INSC: variants seen among roughly 807,000 people sequenced by gnomAD.
INSC encodes INSC spindle orientation adaptor protein, also known as protein inscuteable homolog.
INSC carries 67 observed loss-of-function variants against 58.6 expected under a neutral mutation model. The ratio of observed to expected loss-of-function variants is 1.14; its 90% CI spans 0.94 to 1.40. The LOEUF (loss-of-function observed/expected upper bound fraction) is 1.40. Ranked by LOEUF, INSC falls within the 40% of genes most tolerant of loss-of-function variation. The pLI is 0.00. For missense variants in INSC, 714 were observed against 692.0 expected (o/e 1.03, Z -0.36); for synonymous variants, 262 against 276.1 (o/e 0.95, Z 0.51).
intron 9 of INSC, among the ~76,000 whole-genome samples, chr11:15,229,986 TATATATATATATATATATATATATATA>T (rs1564917380): frequency 1.6e-3 from 52 of 31,620 alleles, no homozygotes; most frequent in Middle Eastern, 0.023. Flanking sequence ...ATATTATATA[TATATATATATATATATATATATATATA>T]ATATATATAT....
At chr11:15,134,550 A>G (rs1444123971) in intron 1 of INSC, among the ~76,000 whole-genome samples, 1 of 152,178 alleles carries the variant, frequency 6.6e-6, no homozygotes, top group Non-Finnish European at 1.5e-5. Flanking sequence ...GCACGAGTTT[A>G]CTTCTTTGTC....
At chr11:15,266,302 A>G in the INSC span, among the ~76,000 whole-genome samples, 1 of 151,978 alleles carries the variant, frequency 6.6e-6, no homozygotes, top group Non-Finnish European at 1.5e-5. Context: ...TTTGAATTGC[A>G]AGGACATGCA....
downstream of INSC, among the ~76,000 whole-genome samples, chr11:15,249,207 G>T (rs2133993976): frequency 6.6e-6 from 1 of 152,338 alleles, no homozygotes; most frequent in Non-Finnish European, 1.5e-5. Context: ...GCAGAGAAGA[G>T]TAGAGATTGG....
rs7123855 is a variant in INSC at position 15,238,925 on chromosome 11, A to G, written c.1244A>G (p.Gln415Arg). Residue 415 changes from glutamine to arginine, a missense_variant, in exon 11 of 13, where the codon CAG (glutamine) becomes CGG (arginine). By Grantham distance (43) the Gln-to-Arg change is conservative (BLOSUM62 1). Transcript: ENST00000379556. ...ASDIIQENGV[Q>R]LIMGMLSEKP... ...TTCCTTGCTTCCTGCCTAGGGGTCC[A>G]GCTTATCATGGGCATGCTGTCTGAA... 4.2e-4 allele frequency: 677 copies of G among 1,614,016 alleles called. No individual in the cohort carries two copies. Among genetic ancestry groups the G allele is most frequent in the Admixed American group, 5.3e-4 (32 of 60,016 alleles).
In INSC at chr11:15,188,227, C is replaced by T. The variant is rs578237782; in HGVS notation, c.580-2474C>T. 9.9e-5 allele frequency: 98 copies of T among 985,346 alleles called. 1 individual carries two copies. In the South Asian group the frequency reaches 3.6e-3, roughly 36 times the overall value. The allele number at this position is 985,346 out of a possible 1,614,324, so 61.0% of individuals were successfully genotyped here. On this transcript the variant is annotated intron_variant, in intron 5 of 12. Transcript: ENST00000379556. ...GGTTACCAATACATAGTGTTAGATG[C>T]GAAGGGAATGGGAAGCCAGGATGGA...
intron 2 of INSC, among the ~76,000 whole-genome samples, chr11:15,169,810 G>T (rs1792531): frequency 0.74 from 112,092 of 151,994 alleles, 43,937 homozygotes; most frequent in East Asian, 0.98. Context: ...GTAGTACAGA[G>T]TGTTCCCATA....
the INSC span, among the ~76,000 whole-genome samples, chr11:15,257,289 T>C: frequency 6.6e-6 from 1 of 152,152 alleles, no homozygotes; most frequent in Non-Finnish European, 1.5e-5. Flanking sequence ...AGAGAAGAGA[T>C]TGGTAGTGGT....
At chr11:15,136,787 C>T (rs1848254970) in intron 1 of INSC, among the ~76,000 whole-genome samples, 1 of 152,160 alleles carries the variant, frequency 6.6e-6, no homozygotes, top group South Asian at 2.1e-4. Context: ...CTCTCAAAGT[C>T]ATCCATGAGG....
intron 5 of INSC, among the ~76,000 whole-genome samples, chr11:15,183,219 C>A (rs1232637641): frequency 6.6e-6 from 1 of 151,854 alleles, no homozygotes; most frequent in Non-Finnish European, 1.5e-5. Context: ...GGCATGGTGG[C>A]ACATGCTTGT....
At chr11:15,158,920 A>G (rs996441561) in intron 2 of INSC, among the ~76,000 whole-genome samples, 1 of 129,142 alleles carries the variant, frequency 7.7e-6, no homozygotes, top group Admixed American at 9.3e-5. Flanking sequence ...GAAGGCTGGA[A>G]TTTTCTCCTG....
At chr11:15,148,783 T>C (rs1326480396) in intron 1 of INSC, among the ~76,000 whole-genome samples, 5 of 149,754 alleles carry the variant, frequency 3.3e-5, no homozygotes, top group Non-Finnish European at 5.9e-5. Context: ...GAATCTCAGA[T>C]AAACCATAGA....
chr11:15,150,585 C>A (rs1368185329), intron 2 of INSC, among the ~76,000 whole-genome samples: 3 of 152,168 alleles, frequency 2.0e-5, no homozygotes, highest in Non-Finnish European at 4.4e-5. Context: ...GTATTTGAGA[C>A]CCTTGTGAAT....
At chr11:15,176,300 T>C (rs913168200) in intron 3 of INSC, among the ~76,000 whole-genome samples, 2 of 152,102 alleles carry the variant, frequency 1.3e-5, no homozygotes, top group African/African-American at 4.8e-5. Context: ...TGTATCTCAT[T>C]TAACCTGCAC....
upstream of INSC, among the ~76,000 whole-genome samples, chr11:15,111,873 C>T (rs559838924): frequency 8.1e-4 from 124 of 152,282 alleles, no homozygotes; most frequent in African/African-American, 2.8e-3. Context: ...CTTACTGAGG[C>T]CCTCCCTGGG....
intron 5 of INSC, among the ~76,000 whole-genome samples, chr11:15,180,041 G>C (rs958878555): frequency 5.3e-5 from 8 of 152,154 alleles, no homozygotes; most frequent in African/African-American, 1.9e-4. Flanking sequence ...CAGATCACGA[G>C]GTCAGGAGAT....
chr11:15,221,468 C>A lies in INSC; in HGVS notation c.820-9C>A. On this transcript the variant is annotated splice_polypyrimidine_tract_variant and intron_variant, in intron 7 of 12. Transcript: ENST00000379556. ...GATGCACAGGGGAGCTCCCTCTCTCCATCTGCAGGTGGATGGCGTTCTGTG... is the reference window on the plus strand; with the variant it reads ...GATGCACAGGGGAGCTCCCTCTCTCAATCTGCAGGTGGATGGCGTTCTGTG... 6.2e-7 allele frequency: 1 copy of A among 1,600,512 alleles called. No homozygotes were observed. The highest frequency in any genetic ancestry group is 8.5e-7 in the Non-Finnish European group (1 of 1,171,686).
chr11:15,267,391 A>G, the INSC span, among the ~76,000 whole-genome samples: 3 of 151,940 alleles, frequency 2.0e-5, no homozygotes, highest in Admixed American at 6.6e-5. Context: ...CTGAATGAAA[A>G]TTTCCCACAG....
chr11:15,112,456 C>T (rs1847589633), upstream of INSC: 5 of 1,591,756 alleles, frequency 3.1e-6, no homozygotes, highest in Non-Finnish European at 4.3e-6. Context: ...GTCGCTGCAG[C>T]CAAGGCTGGA....
At chr11:15,181,474 A>C (rs1714359) in intron 5 of INSC, among the ~76,000 whole-genome samples, 114,301 of 152,012 alleles carry the variant, frequency 0.75, 43,372 homozygotes, top group East Asian at 0.99. Flanking sequence ...GTTGGAAAGA[A>C]TGGTACAAAC....
Sources: allele counts gnomAD v4.1 joint callset (sites outside exome capture counted in the v4.1 genomes callset), GRCh38; gene constraint gnomAD v4.1.1; transcripts MANE v1.5; gene names NCBI Gene and HGNC (gene_info 2026-07-23, HGNC 2026-07-21).